The following ANKFY1 variants were observed in gnomAD, a reference collection of about 807,000 sequenced individuals.
ANKFY1 encodes ankyrin repeat and FYVE domain-containing protein 1.
A neutral mutation model predicts 128.3 loss-of-function variants in ANKFY1; 47 were observed. The ratio of observed to expected loss-of-function variants is 0.37; its 90% CI spans 0.29 to 0.47. The LOEUF is 0.47. Ranked by LOEUF, ANKFY1 falls within the 20% of genes least tolerant of loss-of-function variation. ANKFY1 has a pLI of 1.00. For missense variants in ANKFY1, 1,222 were observed against 1,510.6 expected (o/e 0.81, Z 3.17); for synonymous variants, 553 against 601.6 (o/e 0.92, Z 1.18).
chr17:4,177,385 T>A (rs2059427653), intron 18 of ANKFY1, 83 bp from the exon 19 acceptor site: 3 of 1,291,736 alleles, frequency 2.3e-6, no homozygotes, highest in Non-Finnish European at 3.2e-6. Flanking sequence ...AACTGACCAC[T>A]GGAGAGGTCA....
chr17:4,202,154 G>C (rs1333138020), intron 7 of ANKFY1, among the ~76,000 whole-genome samples: 1 of 150,348 alleles, frequency 6.7e-6, no homozygotes, highest in Non-Finnish European at 1.5e-5. Context: ...TGTAATCCCA[G>C]CACTTTGGGA....
chr17:4,172,732 C>T (rs756475807), intron 21 of ANKFY1, 52 bp from the exon 22 acceptor site: 2 of 1,599,894 alleles, frequency 1.3e-6, no homozygotes, highest in South Asian at 2.2e-5. Flanking sequence ...GGCCATCACA[C>T]ACAAAATAAA....
At chr17:4,241,090 C>T (rs746450949) in intron 2 of ANKFY1, among the ~76,000 whole-genome samples, 2 of 152,146 alleles carry the variant, frequency 1.3e-5, no homozygotes, top group South Asian at 2.1e-4. Flanking sequence ...AACAACTGAG[C>T]GCTTACTATG....
Position 4,206,439 on chromosome 17 carries a change from T to C in ANKFY1, c.780A>G (p.Leu260=). The change falls in exon 7 of 25, where the codon TTA becomes TTG. Residue 260 remains leucine, a synonymous_variant. Coordinates refer to ENST00000341657, the MANE Select transcript of ANKFY1 (RefSeq NM_001330063.2). The part of the protein sequence containing the change: ...NEADHNGDLA[L]DLALSRRLES... ...CCAGTCGTCGTGAGAGGGCTAGATC[T>C]AATGCCAGATCTCCGTTATGATCCG... 1 of 1,614,136 alleles carries C rather than the reference T, an allele frequency of 6.2e-7. No individual in the cohort carries two copies. Among genetic ancestry groups the C allele is most frequent in the South Asian group, 1.1e-5 (1 of 91,084 alleles).
At chr17:4,228,711 C>A (rs1162819986) in intron 3 of ANKFY1, among the ~76,000 whole-genome samples, 2 of 152,184 alleles carry the variant, frequency 1.3e-5, no homozygotes, top group African/African-American at 4.8e-5. Context: ...GCCACCACAC[C>A]CAGCAAGGAT....
intron 3 of ANKFY1, among the ~76,000 whole-genome samples, chr17:4,219,302 G>C (rs886911449): frequency 3.3e-5 from 5 of 152,150 alleles, no homozygotes; most frequent in African/African-American, 1.2e-4. Context: ...TTAAAATCAT[G>C]GTCAACGCAA....
chr17:4,262,043 C>T (rs1312624144), intron 1 of ANKFY1, among the ~76,000 whole-genome samples: 1 of 152,228 alleles, frequency 6.6e-6, no homozygotes, highest in Admixed American at 6.5e-5. Context: ...AACTGGGTGC[C>T]TGCCGGGCGC....
intron 3 of ANKFY1, among the ~76,000 whole-genome samples, chr17:4,233,079 C>T (rs564526092): frequency 1.3e-4 from 20 of 151,954 alleles, no homozygotes; most frequent in African/African-American, 4.6e-4. Context: ...CTATTTGTAT[C>T]GTCACTGGCA....
intron 5 of ANKFY1, among the ~76,000 whole-genome samples, chr17:4,209,281 C>G (rs369760663): frequency 3.9e-5 from 6 of 152,300 alleles, no homozygotes; most frequent in African/African-American, 1.4e-4. Context: ...GCTTCCAAGC[C>G]TGTTTCTGGA....
intron 14 of ANKFY1, 106 bp downstream of exon 14, chr17:4,183,292 T>C: frequency 7.3e-7 from 1 of 1,377,830 alleles, no homozygotes. Flanking sequence ...TTTCCTTTCC[T>C]CTAACTAATA....
intron 3 of ANKFY1, among the ~76,000 whole-genome samples, chr17:4,221,300 CT>C (rs1256090804): frequency 6.6e-6 from 1 of 152,178 alleles, no homozygotes; most frequent in East Asian, 1.9e-4. Flanking sequence ...CAGCCTCGAC[CT>C]CCCAGGCTCA....
At chr17:4,258,478 C>T (rs529185345) in intron 1 of ANKFY1, among the ~76,000 whole-genome samples, 6 of 150,158 alleles carry the variant, frequency 4.0e-5, no homozygotes, top group African/African-American at 1.5e-4. Context: ...GAGCCGAGAT[C>T]GCACCACTGC....
intron 2 of ANKFY1, among the ~76,000 whole-genome samples, chr17:4,238,622 C>T (rs574980253): frequency 3.2e-4 from 49 of 151,304 alleles, no homozygotes; most frequent in East Asian, 7.8e-4. Flanking sequence ...TACAGGTGCG[C>T]GCCACCACGC....
intron 3 of ANKFY1, among the ~76,000 whole-genome samples, chr17:4,224,454 T>C (rs1940919577): frequency 6.6e-6 from 1 of 152,020 alleles, no homozygotes; most frequent in Non-Finnish European, 1.5e-5. Context: ...GTTTTTTTAA[T>C]GTTATTTTTT....
Position 4,173,399 on chromosome 17 carries a change from A to C in ANKFY1, c.2969T>G (p.Val990Gly), listed in dbSNP as rs554506602. 1 of 1,614,172 alleles carries C rather than the reference A, an allele frequency of 6.2e-7. No individual in the cohort carries two copies. The highest frequency in any genetic ancestry group is 8.5e-7 in the Non-Finnish European group (1 of 1,180,008). Reference sequence around the variant, plus strand: ...GTCCACTGTGCACTCTGTCAGGAGAACCCGGATGTTGTTGAGCCGGCCGTG... The same window carrying C: ...GTCCACTGTGCACTCTGTCAGGAGACCCCGGATGTTGTTGAGCCGGCCGTG... The part of the protein sequence containing the change: ...VMHGRLNNIR[V>G]LLTECTVDAE... The change falls in exon 21 of 25, where the codon GTT (valine) becomes GGT (glycine). Residue 990 changes from valine (V) to glycine (G), a missense_variant. Transcript: ENST00000341657.
At position 4,206,587 on chromosome 17, in the gene ANKFY1, G is replaced by A; in HGVS notation, c.733-101C>T. On this transcript the variant is annotated intron_variant, in intron 6 of 24. Coordinates refer to ENST00000341657, the MANE Select transcript of ANKFY1 (RefSeq NM_001330063.2). ...CTTAAATATCATCTCTTATACAAAT[G>A]TCAAATTTAAGTGCTCCAACACTGC... The A allele has an allele frequency of 3.5e-6, 4 of 1,132,054 alleles. No homozygotes were observed. In the South Asian group the frequency reaches 4.7e-5, roughly 13 times the overall value. The allele number at this position is 1,132,054 out of a possible 1,614,324, so 70.1% of individuals were successfully genotyped here.
At position 4,169,313 on chromosome 17, in the gene ANKFY1, T is replaced by C. The variant is rs766722844; in HGVS notation, c.3287-25A>G. 1.3e-5 allele frequency: 20 copies of C among 1,530,910 alleles called. No homozygotes were observed. In the South Asian group the frequency reaches 2.3e-4, roughly 17 times the overall value. 94.8% of individuals were successfully genotyped at this position (1,530,910 alleles called of 1,614,324 possible). On this transcript the variant is annotated intron_variant, in intron 23 of 24. Transcript: ENST00000341657. This position sits in a 1 kb window ranked among gnomAD's most constrained non-coding sequence, Gnocchi z 5.0. The stretch of plus-strand genomic sequence containing the variant: ...TCTGCAACACAGGGGGGAGGCCCGG[T>C]CCCGTCAAACCGCGACGGCGCCACG...
intron 1 of ANKFY1, 72 bp from the exon 2 acceptor site, chr17:4,242,520 C>T: frequency 1.5e-6 from 2 of 1,372,654 alleles, no homozygotes; most frequent in Admixed American, 5.1e-5. Context: ...ATCCCTCATC[C>T]CATAGACAGG....
At chr17:4,216,786 T>C (rs2060226977) in intron 4 of ANKFY1, 197 bp downstream of exon 4, 2 of 668,248 alleles carry the variant, frequency 3.0e-6, no homozygotes, top group African/African-American at 1.8e-5. Flanking sequence ...GAAAAGAGAA[T>C]AGCAAAAGCT....
Sources: gnomAD v4.1 joint callset for allele counts (sites outside exome capture counted in the v4.1 genomes callset) on GRCh38, gnomAD v4.1.1 for gene constraint, Gnocchi (gnomAD v3.1) non-coding constraint, MANE v1.5 for transcripts, NCBI Gene and HGNC (gene_info 2026-07-23, HGNC 2026-07-21) for gene names.